KIF26B: variants seen among roughly 807,000 people sequenced by gnomAD.
The protein encoded by KIF26B is kinesin family member 26B.
Under a neutral mutation model 151.2 loss-of-function variants are expected in KIF26B, and 63 were observed. The ratio of observed to expected loss-of-function variants is 0.42; its 90% CI spans 0.34 to 0.51. The LOEUF (loss-of-function observed/expected upper bound fraction) is 0.51, where lower values mean the gene tolerates loss of function less well. Ranked by LOEUF, KIF26B falls within the 20% of genes least tolerant of loss-of-function variation. KIF26B has a pLI of 0.07. For synonymous variants in KIF26B, 1,357 were observed against 1,262.1 expected, an observed-to-expected ratio of 1.08 and a Z score of -1.59; for missense variants, 2,813 against 2,913.6, an observed-to-expected ratio of 0.97 and a Z score of 0.79.
intron 9 of KIF26B, among the ~76,000 whole-genome samples, chr1:245,640,974 T>C (rs1033694486): frequency 6.6e-6 from 1 of 152,198 alleles, no homozygotes; most frequent in African/African-American, 2.4e-5. Context: ...ACAATCACAT[T>C]AGCATTATTT....
At chr1:245,591,584 C>T (rs1485281304) in intron 5 of KIF26B, among the ~76,000 whole-genome samples, 1 of 152,168 alleles carries the variant, frequency 6.6e-6, no homozygotes, top group Non-Finnish European at 1.5e-5. Context: ...CCCTGTAAGT[C>T]GCAGATGGGA....
At chr1:245,678,170 T>C (rs566450359) in intron 10 of KIF26B, among the ~76,000 whole-genome samples, 1 of 152,146 alleles carries the variant, frequency 6.6e-6, no homozygotes, top group East Asian at 1.9e-4. Flanking sequence ...AGCGTGTATT[T>C]CAAAGCCGTG....
At position 245,602,086 on chromosome 1, in the gene KIF26B, A is replaced by G. The variant is rs1040558607; in HGVS notation, c.1351-491A>G. ...GAATGCTGGCCATTAAAAGCAGGCC[A>G]TTTCACGGTTCTTTAATGATGACAC... On this transcript the variant is annotated intron_variant, in intron 5 of 14. Coordinates refer to ENST00000407071, the MANE Select transcript of KIF26B (RefSeq NM_018012.4). This position sits in a 1 kb window ranked among gnomAD's most constrained non-coding sequence, Gnocchi z 4.5. 1.3e-5 allele frequency among the ~76,000 whole-genome samples: 2 copies of G among 151,918 alleles called. No individual in the cohort carries two copies. The highest frequency in any genetic ancestry group is 4.8e-5 in the African/African-American group (2 of 41,344).
At position 245,702,706 on chromosome 1, in the gene KIF26B, T is replaced by C; in HGVS notation, c.*100T>C. 1 of 1,356,074 alleles carries C rather than the reference T, an allele frequency of 7.4e-7. No homozygotes were observed. Among genetic ancestry groups the C allele is most frequent in the Non-Finnish European group, 1.0e-6 (1 of 1,002,498 alleles). 84.0% of individuals were successfully genotyped at this position (1,356,074 alleles called of 1,614,324 possible). A position where few individuals can be genotyped will look rare whatever the true frequency, so the allele number is the denominator to read the frequency against. On this transcript the variant is annotated 3_prime_UTR_variant, in exon 15 of 15. Transcript: ENST00000407071. The surrounding 1 kb of genome is among the most constrained non-coding windows in gnomAD (Gnocchi z 4.1). ...GTGCTGGGGCATCAAAGACAATGAA[T>C]GAGGATGAAGGTTGGTGGCAAGTCT...
chr1:245,506,205 A>G (rs897792621), intron 4 of KIF26B, among the ~76,000 whole-genome samples: 2 of 152,146 alleles, frequency 1.3e-5, no homozygotes, highest in African/African-American at 4.8e-5. Flanking sequence ...CTAATTTCTT[A>G]TGTCCCCTCA....
intron 9 of KIF26B, among the ~76,000 whole-genome samples, chr1:245,623,642 TC>T (rs2043688932): frequency 6.6e-6 from 1 of 152,220 alleles, no homozygotes; most frequent in Admixed American, 6.5e-5. Context: ...AAATTCTACA[TC>T]TGACCGCATG....
chr1:245,621,972 C>T (rs1164506597), intron 9 of KIF26B, among the ~76,000 whole-genome samples: 2 of 152,206 alleles, frequency 1.3e-5, no homozygotes, highest in Non-Finnish European at 2.9e-5. Context: ...TGTTTTACTA[C>T]ATGTACATTA....
At chr1:245,483,961 T>A (rs966465201) in intron 4 of KIF26B, among the ~76,000 whole-genome samples, 11 of 151,924 alleles carry the variant, frequency 7.2e-5, no homozygotes, top group African/African-American at 2.7e-4. Flanking sequence ...TTTCCTTATG[T>A]CTTTATAAAA....
intron 2 of KIF26B, among the ~76,000 whole-genome samples, chr1:245,328,123 G>GCTGA (rs574814229): frequency 0.014 from 2,127 of 151,640 alleles, 21 homozygotes; most frequent in Non-Finnish European, 0.022. Flanking sequence ...TGCTTTGCTG[G>GCTGA]TAGGCTGTGT....
rs1043179565 is a variant in KIF26B at position 245,307,510 on chromosome 1, A to G, written c.466-59324A>G. 2.0e-5 allele frequency among the ~76,000 whole-genome samples: 3 copies of G among 152,208 alleles called. No homozygotes were observed. The South Asian group carries it at 6.2e-4, about 32-fold the overall frequency. On this transcript the variant is annotated intron_variant, in intron 2 of 14. Transcript: ENST00000407071. ...TGTTTAAAAACAGAATTTTTCCAGT[A>G]AATATATTTATCAAATTAAAAGTAT...
Position 245,352,313 on chromosome 1 carries a change from G to A in KIF26B, c.466-14521G>A, listed in dbSNP as rs553887850. 1.6e-4 allele frequency among the ~76,000 whole-genome samples: 25 copies of A among 152,218 alleles called. No homozygotes were observed. The highest frequency in any genetic ancestry group is 3.5e-4 in the Non-Finnish European group (24 of 68,024). The stretch of plus-strand genomic sequence containing the variant: ...GAGTCTCATTCCTTCACTCAGACTG[G>A]AGGGCAATGGTGCGATCTCAGCTCA... On this transcript the variant is annotated intron_variant, in intron 2 of 14. Coordinates refer to ENST00000407071, the MANE Select transcript of KIF26B (RefSeq NM_018012.4). The surrounding 1 kb of genome is among the most constrained non-coding windows in gnomAD (Gnocchi z 5.0).
In KIF26B at chr1:245,688,308, C is replaced by G. The variant is rs768721713; in HGVS notation, c.5325C>G (p.Pro1775=). Residue 1775 remains proline (P), a synonymous_variant, in exon 12 of 15, where the codon CCC becomes CCG. Coordinates refer to ENST00000407071, the MANE Select transcript of KIF26B (RefSeq NM_018012.4). ...QAVGQGSSSP[P]GGKHTPWSTQ... ...TGGGCCAGGGCTCCAGCTCGCCCCC[C>G]GGTGGGAAGCACACGCCCTGGTCCA... The G allele has an allele frequency of 6.9e-6, 11 of 1,595,272 alleles. No homozygotes were observed. The highest frequency in any genetic ancestry group is 2.2e-5 in the South Asian group (2 of 90,384).
intron 5 of KIF26B, among the ~76,000 whole-genome samples, chr1:245,571,905 A>G (rs1337616679): frequency 4.6e-5 from 7 of 152,212 alleles, no homozygotes; most frequent in African/African-American, 1.2e-4. Flanking sequence ...GGTATCTACC[A>G]TCAAAGGGGC....
intron 10 of KIF26B, among the ~76,000 whole-genome samples, chr1:245,656,435 C>G (rs1402780664): frequency 1.3e-5 from 2 of 152,202 alleles, no homozygotes; most frequent in African/African-American, 4.8e-5. Flanking sequence ...CATGACAAAC[C>G]ACTAAGCCAA....
Position 245,525,053 on chromosome 1 carries a change from A to C in KIF26B, c.1167-15714A>C, listed in dbSNP as rs191109358. On this transcript the variant is annotated intron_variant, in intron 4 of 14. Transcript: ENST00000407071. ...CACTCATGAAGTATTGAGGATTTTC[A>C]TGGATCTGTCACGGGTTGTGTTCTG... 2.0e-5 allele frequency among the ~76,000 whole-genome samples: 3 copies of C among 152,160 alleles called. No individual in the cohort carries two copies. In the East Asian group the frequency reaches 5.8e-4, roughly 29 times the overall value.
At position 245,156,572 on chromosome 1, in the gene KIF26B, C is replaced by T. The variant is rs1668438925; in HGVS notation, c.354C>T (p.Gly118=). 2 of 1,529,892 alleles carry T rather than the reference C, an allele frequency of 1.3e-6. No homozygotes were observed. Among genetic ancestry groups the T allele is most frequent in the African/African-American group, 1.4e-5 (1 of 71,544 alleles). 94.8% of individuals were successfully genotyped at this position (1,529,892 alleles called of 1,614,324 possible). ...TGSPGSGSGG[G]SSPGSDRGVW... ...CCCCGGGCTCCGGCAGCGGCGGCGG[C>T]TCCTCCCCCGGCTCGGACCGCGGCG... Residue 118 remains glycine, a synonymous_variant, in exon 2 of 15, where the codon GGC becomes GGT. Coordinates refer to ENST00000407071, the MANE Select transcript of KIF26B (RefSeq NM_018012.4).
intron 4 of KIF26B, among the ~76,000 whole-genome samples, chr1:245,425,236 A>G (rs989271869): frequency 2.6e-5 from 4 of 152,110 alleles, no homozygotes; most frequent in Admixed American, 6.5e-5. Flanking sequence ...CTTGGGTGAA[A>G]CCCTAGCTTT....
intron 3 of KIF26B, among the ~76,000 whole-genome samples, chr1:245,382,538 T>TGC (rs1673435004): frequency 6.7e-6 from 1 of 148,380 alleles, no homozygotes; most frequent in South Asian, 2.2e-4. Context: ...CAGGTTTGTG[T>TGC]GTGTGTGTGT....
At chr1:245,280,365 C>A (rs374956483) in intron 2 of KIF26B, among the ~76,000 whole-genome samples, 43 of 129,582 alleles carry the variant, frequency 3.3e-4, no homozygotes, top group South Asian at 5.1e-4. Context: ...ACAAAAAATA[C>A]AAAAAAAAAA....
Sources: gnomAD v4.1 joint callset for allele counts (sites outside exome capture counted in the v4.1 genomes callset) on GRCh38, gnomAD v4.1.1 for gene constraint, Gnocchi (gnomAD v3.1) non-coding constraint, MANE v1.5 for transcripts, NCBI Gene and HGNC (gene_info 2026-07-23, HGNC 2026-07-21) for gene names.